SCAMP4: variants seen among roughly 807,000 people sequenced by gnomAD.
SCAMP4 encodes secretory carrier membrane protein 4.
SCAMP4 carries 19 observed loss-of-function variants against 32.1 expected under a neutral mutation model. That is an observed-to-expected ratio of 0.59 (90% confidence interval 0.41 to 0.87). SCAMP4 has a LOEUF of 0.87. Among genes scored for constraint, SCAMP4 ranks in the 40% least tolerant of loss-of-function variants. The pLI, the probability that SCAMP4 is intolerant of heterozygous loss-of-function variation, is 0.00. For missense variants in SCAMP4, 302 were observed against 309.0 expected, an observed-to-expected ratio of 0.98 and a Z score of 0.17; for synonymous variants, 152 against 132.7, an observed-to-expected ratio of 1.15 and a Z score of -1.00.
At chr19:1,919,196 G>A (rs929751550) in intron 5 of SCAMP4, 90 of 1,418,012 alleles carry the variant, frequency 6.3e-5, no homozygotes, top group Non-Finnish European at 7.3e-5. Flanking sequence ...GTTCGCGATT[G>A]TAGGCACTCT....
chr19:1,914,968 C>T lies in SCAMP4; in HGVS notation c.-41-11C>T. 4 of 1,613,162 alleles carry T rather than the reference C, an allele frequency of 2.5e-6. No homozygotes were observed. The highest frequency in any genetic ancestry group is 3.4e-6 in the Non-Finnish European group (4 of 1,179,136). On this transcript the variant is annotated splice_polypyrimidine_tract_variant and intron_variant, in intron 1 of 6. Coordinates refer to ENST00000316097, the MANE Select transcript of SCAMP4 (RefSeq NM_079834.4). ...CTCAGGGTTCCCTGACTGTGGTTGTCTTCCTTCCAGGCGGCTGCAGGCTTC... is the reference window on the plus strand; with the variant it reads ...CTCAGGGTTCCCTGACTGTGGTTGTTTTCCTTCCAGGCGGCTGCAGGCTTC...
At chr19:1,923,046 C>A in intron 5 of SCAMP4, 24 bp from the exon 6 acceptor site, 1 of 1,526,646 alleles carries the variant, frequency 6.6e-7, no homozygotes, top group South Asian at 1.2e-5. Context: ...TGCAGGCACC[C>A]ACGCACTCTC....
In SCAMP4 at chr19:1,917,693, G is replaced by A. The variant is rs775182120; in HGVS notation, c.8-1G>A. Reference sequence around the variant, plus strand: ...TGTCCGTGGGTTCTCTGTCCCTACAGAAAAGGAGAACAACTTCCCGCCACT... The same window carrying A: ...TGTCCGTGGGTTCTCTGTCCCTACAAAAAAGGAGAACAACTTCCCGCCACT... On this transcript the variant is annotated splice_acceptor_variant, in intron 2 of 6. Coordinates refer to ENST00000316097, the MANE Select transcript of SCAMP4 (RefSeq NM_079834.4). LOFTEE classifies it high-confidence loss of function. The A allele has an allele frequency of 6.2e-7, 1 of 1,613,940 alleles. No homozygotes were observed. The highest frequency in any genetic ancestry group is 1.1e-5 in the South Asian group (1 of 91,082).
rs771455488 is a variant in SCAMP4, at chr19:1,917,788, G to C, written c.102G>C (p.Gln34His). Residue 34 changes from glutamine (Q) to histidine (H), a missense_variant, in exon 3 of 7, where the codon CAG (glutamine) becomes CAC (histidine). Physicochemically the swap from Gln to His is conservative, Grantham distance 24 (BLOSUM62 0). Transcript: ENST00000316097. The part of the protein sequence containing the change: ...NFSDEIPVEH[Q>H]VLVKRIYRLW... ...CCGACGAGATCCCAGTGGAGCACCA[G>C]GTCCTGGTGAAGAGGATCTACCGGC... The C allele has an allele frequency of 6.2e-7, 1 of 1,613,912 alleles. No homozygotes were observed. Among genetic ancestry groups the C allele is most frequent in the Admixed American group, 1.7e-5 (1 of 60,004 alleles).
rs1568769563 is a variant in SCAMP4, at chr19:1,916,024, T to C, written c.7+998T>C. On this transcript the variant is annotated intron_variant, in intron 2 of 6. Coordinates refer to ENST00000316097, the MANE Select transcript of SCAMP4 (RefSeq NM_079834.4). Reference sequence around the variant, plus strand: ...CTTTTGGGAGGCCGAGGTGGGCAGATGATGAGGTCAGGAGTTTGAGACCAG... The same window carrying C: ...CTTTTGGGAGGCCGAGGTGGGCAGACGATGAGGTCAGGAGTTTGAGACCAG... Among the ~76,000 whole-genome samples, 3 of 149,618 alleles carry C rather than the reference T, an allele frequency of 2.0e-5. No individual in the cohort carries two copies. In the South Asian group the frequency reaches 6.3e-4, roughly 31 times the overall value.
chr19:1,919,392 G>C, intron 5 of SCAMP4: 1 of 985,314 alleles, frequency 1.0e-6, no homozygotes, highest in Non-Finnish European at 1.2e-6. Flanking sequence ...ACACATACCT[G>C]GTGCTGTTAC....
chr19:1,923,615 CTTTTTTTTTT>C (rs35226425), intron 6 of SCAMP4, among the ~76,000 whole-genome samples: 10 of 86,466 alleles, frequency 1.2e-4, no homozygotes, highest in Non-Finnish European at 2.0e-4. Flanking sequence ...CAGCAAAATG[CTTTTTTTTTT>C]TTTTTTTTTT....
rs2013837915 is a variant in SCAMP4, at chr19:1,919,183, A to G, written c.395+193A>G. 7.0e-6 allele frequency: 10 copies of G among 1,419,322 alleles called. No homozygotes were observed. In the South Asian group the frequency reaches 1.2e-4, roughly 17 times the overall value. 87.9% of individuals were successfully genotyped at this position (1,419,322 alleles called of 1,614,324 possible). On this transcript the variant is annotated intron_variant, in intron 5 of 6. Coordinates refer to ENST00000316097, the MANE Select transcript of SCAMP4 (RefSeq NM_079834.4). ...CCCGCGTCCTCGCCAGCACCCAGCC[A>G]TGGTTCGCGATTGTAGGCACTCTCC...
chr19:1,915,965 C>T (rs1436435838), intron 2 of SCAMP4, among the ~76,000 whole-genome samples: 1 of 141,858 alleles, frequency 7.0e-6, no homozygotes, highest in African/African-American at 2.7e-5. Context: ...AAGAGATGGT[C>T]CGGGCGTGGT....
chr19:1,916,583 C>T (rs542573601), intron 2 of SCAMP4, among the ~76,000 whole-genome samples: 7 of 151,892 alleles, frequency 4.6e-5, no homozygotes, highest in Non-Finnish European at 1.0e-4. Flanking sequence ...CTCAGCCTCC[C>T]GAGAAGCTGG....
rs1290105377 is a variant in SCAMP4 at position 1,920,715 on chromosome 19, C to T, written c.395+1725C>T. Reference sequence around the variant, plus strand: ...GTCCTCCTGAGCTCCCAGCTGCCAGCTCGGCTCCCACTGGCCCTTCCCTGG... The same window carrying T: ...GTCCTCCTGAGCTCCCAGCTGCCAGTTCGGCTCCCACTGGCCCTTCCCTGG... On this transcript the variant is annotated intron_variant, in intron 5 of 6. Transcript: ENST00000316097. 35 of 985,428 alleles carry T rather than the reference C, an allele frequency of 3.6e-5. 1 individual carries two copies. Among genetic ancestry groups the T allele is most frequent in the Non-Finnish European group, 4.2e-5 (35 of 830,042 alleles). 61.0% of individuals were successfully genotyped at this position (985,428 alleles called of 1,614,324 possible).
At position 1,915,008 on chromosome 19, in the gene SCAMP4, G is replaced by A. The variant is rs780464047; in HGVS notation, c.-12G>A. 2 of 1,613,782 alleles carry A rather than the reference G, an allele frequency of 1.2e-6. No homozygotes were observed. The highest frequency in any genetic ancestry group is 2.7e-5 in the African/African-American group (2 of 74,928). ...CTGCAGGCTTCAGCCTGCGCTGGTT[G>A]GTGAAACAGAGATGTCAGGTGAGTC... On this transcript the variant is annotated 5_prime_UTR_variant, in exon 2 of 7. Coordinates refer to ENST00000316097, the MANE Select transcript of SCAMP4 (RefSeq NM_079834.4).
intron 5 of SCAMP4, chr19:1,922,829 T>A: frequency 8.2e-7 from 1 of 1,221,806 alleles, no homozygotes; most frequent in Non-Finnish European, 1.0e-6. Context: ...CGTCGAAGTT[T>A]GTGTCCACTG....
At chr19:1,916,454 T>G (rs2013737462) in intron 2 of SCAMP4, among the ~76,000 whole-genome samples, 1 of 151,956 alleles carries the variant, frequency 6.6e-6, no homozygotes, top group Non-Finnish European at 1.5e-5. Flanking sequence ...CAGATAAATA[T>G]TTGTTGTGTT....
rs993667698 is a variant in SCAMP4, at chr19:1,922,569, C to T, written c.396-501C>T. On this transcript the variant is annotated intron_variant, in intron 5 of 6. Transcript: ENST00000316097. ...TTTCTAATGGTCCCTCAGTGCCCACCGGGTGATGGTGGCAGATTTTCCATC... is the reference window on the plus strand; with the variant it reads ...TTTCTAATGGTCCCTCAGTGCCCACTGGGTGATGGTGGCAGATTTTCCATC... The T allele has an allele frequency of 2.1e-5, 21 of 985,360 alleles. No homozygotes were observed. In the African/African-American group the frequency reaches 2.3e-4, roughly 11 times the overall value. 61.0% of individuals were successfully genotyped at this position (985,360 alleles called of 1,614,324 possible). A position where few individuals can be genotyped will look rare whatever the true frequency, so the allele number is the denominator to read the frequency against.
Position 1,918,878 on chromosome 19 carries a change from TC to T in SCAMP4, c.294-8del. 1 of 1,595,634 alleles carries T rather than the reference TC, an allele frequency of 6.3e-7. No homozygotes were observed. Among genetic ancestry groups the T allele is most frequent in the South Asian group, 1.1e-5 (1 of 87,960 alleles). On this transcript the variant is annotated splice_polypyrimidine_tract_variant and intron_variant, in intron 4 of 6. Coordinates refer to ENST00000316097, the MANE Select transcript of SCAMP4 (RefSeq NM_079834.4). ...GCTGTGGTAACCGTCGTGTTTTCTG[TC>T]CCTCCCCAGAGCCGACAGCTCCTTT...
chr19:1,918,179 C>T lies in SCAMP4; in HGVS notation c.189C>T (p.Ile63=), dbSNP rs1211349538. The T allele has an allele frequency of 3.7e-6, 6 of 1,612,886 alleles. No individual in the cohort carries two copies. Among genetic ancestry groups the T allele is most frequent in the East Asian group, 2.2e-5 (1 of 44,878 alleles). The part of the protein sequence containing the change: ...VNLIACLAWW[I]GGGSGTNFGL... Reference sequence around the variant, plus strand: ...TCATTGCCTGCCTGGCCTGGTGGATCGGCGGAGGCTCGGGGACCAACTTCG... The same window carrying T: ...TCATTGCCTGCCTGGCCTGGTGGATTGGCGGAGGCTCGGGGACCAACTTCG... The change falls in exon 4 of 7, where the codon ATC becomes ATT. Residue 63 remains isoleucine, a synonymous_variant. Coordinates refer to ENST00000316097, the MANE Select transcript of SCAMP4 (RefSeq NM_079834.4).
intron 3 of SCAMP4, 29 bp downstream of exon 3, chr19:1,917,851 A>G: frequency 6.2e-7 from 1 of 1,612,206 alleles, no homozygotes; most frequent in Non-Finnish European, 8.5e-7. Flanking sequence ...AGGAGGCGGG[A>G]AGCGGGAGGC....
intron 5 of SCAMP4, chr19:1,922,258 T>G (rs2013941765): frequency 1.6e-5 from 16 of 985,252 alleles, no homozygotes; most frequent in Non-Finnish European, 1.9e-5. Context: ...AAGCAGTGCT[T>G]TCCCTCGTTT....
Sources: gnomAD v4.1 joint callset for allele counts (sites outside exome capture counted in the v4.1 genomes callset) on GRCh38, gnomAD v4.1.1 for gene constraint, MANE v1.5 for transcripts, NCBI Gene and HGNC (gene_info 2026-07-23, HGNC 2026-07-21) for gene names.